LARS1: variants seen among roughly 807,000 people sequenced by gnomAD.
LARS1 encodes the protein leucine--tRNA ligase, cytoplasmic.
A neutral mutation model predicts 162.8 loss-of-function variants in LARS1; 100 were observed. The observed-to-expected ratio is 0.61, with a 90% CI of 0.52 to 0.73. LARS1 has a LOEUF of 0.73. LARS1 is among the 30% of genes least tolerant of loss of function. The pLI is 0.00. For missense variants in LARS1, 1,258 were observed against 1,408.9 expected (o/e 0.89, Z 1.71); for synonymous variants, 457 against 462.8 (o/e 0.99, Z 0.16).
In LARS1 at chr5:146,154,128, C is replaced by G. The variant is rs544488201; in HGVS notation, c.1066-148G>C. 29 of 613,756 alleles carry G rather than the reference C, an allele frequency of 4.7e-5. No individual in the cohort carries two copies. In the Admixed American group the frequency reaches 8.2e-4, roughly 17 times the overall value. 38.0% of individuals were successfully genotyped at this position (613,756 alleles called of 1,614,324 possible). On this transcript the variant is annotated intron_variant, in intron 10 of 31. Transcript: ENST00000394434. Reference sequence around the variant, plus strand: ...AGAGCTATATTGTACAATATGGTGACTATAGGAAATAACAATGTATTTTAT... The same window carrying G: ...AGAGCTATATTGTACAATATGGTGAGTATAGGAAATAACAATGTATTTTAT...
intron 22 of LARS1, among the ~76,000 whole-genome samples, chr5:146,135,151 C>T (rs2126444027): frequency 1.3e-5 from 2 of 152,024 alleles, no homozygotes; most frequent in South Asian, 4.2e-4. Context: ...ATTACAGGCA[C>T]CTGCCACCAC....
chr5:146,120,197 A>G, intron 31 of LARS1, 174 bp downstream of exon 31: 1 of 656,774 alleles, frequency 1.5e-6, no homozygotes, highest in Non-Finnish European at 2.6e-6. Context: ...CCACTAAGCT[A>G]CCTAGCCACA....
At position 146,122,624 on chromosome 5, in the gene LARS1, A is replaced by G. The variant is rs371067025; in HGVS notation, c.3097-37T>C. The G allele has an allele frequency of 2.8e-5, 32 of 1,145,708 alleles. No individual in the cohort carries two copies. In the African/African-American group the frequency reaches 4.3e-4, roughly 15 times the overall value. 71.0% of individuals were successfully genotyped at this position (1,145,708 alleles called of 1,614,324 possible). A position where few individuals can be genotyped will look rare whatever the true frequency, so the allele number is the denominator to read the frequency against. On this transcript the variant is annotated intron_variant, in intron 29 of 31. Coordinates refer to ENST00000394434, the MANE Select transcript of LARS1 (RefSeq NM_020117.11). ...GGAAAAAATGGAAGTTATTAGTATC[A>G]CTTAATGTGATTCAAATTAATCATC...
At chr5:146,146,491 G>A (rs1753013363) in intron 15 of LARS1, among the ~76,000 whole-genome samples, 2 of 95,124 alleles carry the variant, frequency 2.1e-5, no homozygotes, top group South Asian at 7.3e-4. Context: ...AAATAAAATA[G>A]AGGTTAGAAC....
chr5:146,142,845 C>A, intron 20 of LARS1, 27 bp downstream of exon 20: 1 of 1,556,624 alleles, frequency 6.4e-7, no homozygotes, highest in Non-Finnish European at 8.8e-7. Flanking sequence ...ATCAATAAAT[C>A]TAGTCCACAC....
intron 21 of LARS1, 85 bp downstream of exon 21, chr5:146,140,119 A>T: frequency 9.7e-7 from 1 of 1,029,394 alleles, no homozygotes; most frequent in Non-Finnish European, 1.5e-6. Flanking sequence ...ATTATTTCTT[A>T]CATACATTTA....
rs547688009 is a variant in LARS1 at position 146,161,232 on chromosome 5, C to G, written c.595-746G>C. Among the ~76,000 whole-genome samples, 216 of 152,288 alleles carry G rather than the reference C, an allele frequency of 1.4e-3. 3 individuals carry two copies. The highest frequency in any genetic ancestry group is 5.1e-3 in the African/African-American group (213 of 41,566). ...TCTGAGCCTTCAGTTGAGTTGTAATCTTTGTGCTGGTGGAGAGTCTTGCCT... is the reference window on the plus strand; with the variant it reads ...TCTGAGCCTTCAGTTGAGTTGTAATGTTTGTGCTGGTGGAGAGTCTTGCCT... On this transcript the variant is annotated intron_variant, in intron 6 of 31. Transcript: ENST00000394434.
chr5:146,165,038 C>G (rs1388125671), intron 5 of LARS1, among the ~76,000 whole-genome samples: 1 of 152,080 alleles, frequency 6.6e-6, no homozygotes, highest in East Asian at 1.9e-4. Context: ...TTATACACCA[C>G]AAAGAGGAAA....
At position 146,142,890 on chromosome 5, in the gene LARS1, G is replaced by T. The variant is rs1752848592; in HGVS notation, c.2072C>A (p.Ala691Asp). The T allele has an allele frequency of 1.2e-6, 2 of 1,613,442 alleles. No individual in the cohort carries two copies. Among genetic ancestry groups the T allele is most frequent in the Admixed American group, 3.3e-5 (2 of 59,964 alleles). Residue 691 changes from alanine (A) to aspartate (D), a missense_variant, in exon 20 of 32, where the codon GCT becomes GAT. Physicochemically the swap from Ala to Asp is moderately radical, Grantham distance 126 (BLOSUM62 -2). Transcript: ENST00000394434. ...CATTCACCTTTGTTCCGGCCACATAGCCACATGATTATAAAGGTAATATGA... is the reference window on the plus strand; with the variant it reads ...CATTCACCTTTGTTCCGGCCACATATCCACATGATTATAAAGGTAATATGA... ...HLSYYLYNHV[A>D]MWPEQSDKWP...
intron 13 of LARS1, among the ~76,000 whole-genome samples, chr5:146,152,909 A>G (rs1753357818): frequency 6.6e-6 from 1 of 152,238 alleles, no homozygotes; most frequent in Non-Finnish European, 1.5e-5. Flanking sequence ...TGATCACACT[A>G]GCAAAGCAAG....
At chr5:146,133,931 G>A (rs1294667089) in intron 22 of LARS1, among the ~76,000 whole-genome samples, 3 of 152,096 alleles carry the variant, frequency 2.0e-5, no homozygotes, top group Admixed American at 1.3e-4. Flanking sequence ...TGCAACCTCC[G>A]CCTCTTGGAT....
At chr5:146,153,670 T>C (rs879095718) in intron 12 of LARS1, 64 bp downstream of exon 12, 3 of 1,282,840 alleles carry the variant, frequency 2.3e-6, no homozygotes, top group South Asian at 2.4e-5. Flanking sequence ...CACAGCGTAG[T>C]TCAGCAGCAC....
At position 146,130,086 on chromosome 5, in the gene LARS1, C is replaced by T; in HGVS notation, c.2560G>A (p.Val854Ile). The T allele has an allele frequency of 6.2e-7, 1 of 1,613,970 alleles. No homozygotes were observed. The highest frequency in any genetic ancestry group is 8.5e-7 in the Non-Finnish European group (1 of 1,179,866). Reference sequence around the variant, plus strand: ...AATGGAGCGAGGAGAAGTGTCTGAACTTCAATAAACCGGAACACAAGTTCT... The same window carrying T: ...AATGGAGCGAGGAGAAGTGTCTGAATTTCAATAAACCGGAACACAAGTTCT... The part of the protein sequence containing the change: ...HRELVFRFIE[V>I]QTLLLAPFCP... The change falls in exon 25 of 32, where the codon GTT becomes ATT. Residue 854 changes from valine to isoleucine, a missense_variant. Physicochemically the swap from Val to Ile is conservative, Grantham distance 29 (BLOSUM62 3). Transcript: ENST00000394434.
rs774368284 is a variant in LARS1 at position 146,171,971 on chromosome 5, C to T, written c.233G>A (p.Arg78Gln). The change falls in exon 4 of 32, where the codon CGA becomes CAA. Residue 78 changes from arginine to glutamine, a missense_variant. Coordinates refer to ENST00000394434, the MANE Select transcript of LARS1 (RefSeq NM_020117.11). ...SKCEFAVGYQRLKGKCCLFPF... is the reference protein window; with the variant it reads ...SKCEFAVGYQQLKGKCCLFPF... ...AAACAGACAACATTTTCCTTTCAAT[C>T]GCTGGTACCCTACAGCAAACTACAG... The T allele has an allele frequency of 1.9e-6, 3 of 1,613,476 alleles. No individual in the cohort carries two copies. Among genetic ancestry groups the T allele is most frequent in the South Asian group, 2.2e-5 (2 of 91,070 alleles).
At chr5:146,160,297 A>G (rs1257386326) in intron 7 of LARS1, 77 bp downstream of exon 7, 4 of 746,578 alleles carry the variant, frequency 5.4e-6, no homozygotes, top group Non-Finnish European at 8.2e-6. Flanking sequence ...CAGTTTCCCA[A>G]AGCACTGGGA....
intron 28 of LARS1, among the ~76,000 whole-genome samples, chr5:146,124,366 A>G (rs1751957903): frequency 6.6e-6 from 1 of 151,792 alleles, no homozygotes; most frequent in African/African-American, 2.4e-5. Flanking sequence ...ATACGGTTTT[A>G]TGATTGTTTA....
intron 31 of LARS1, among the ~76,000 whole-genome samples, chr5:146,118,535 G>A (rs903458429): frequency 1.3e-5 from 2 of 152,174 alleles, no homozygotes; most frequent in African/African-American, 2.4e-5. Context: ...TCACCACAAA[G>A]AAATGATAAA....
chr5:146,139,176 T>C (rs1752646502), intron 21 of LARS1, among the ~76,000 whole-genome samples: 1 of 151,440 alleles, frequency 6.6e-6, no homozygotes, highest in South Asian at 2.1e-4. Context: ...ACCCCATCTC[T>C]ACGGAAAAAA....
At chr5:146,141,288 C>T (rs1237620764) in intron 20 of LARS1, among the ~76,000 whole-genome samples, 1 of 152,060 alleles carries the variant, frequency 6.6e-6, no homozygotes, top group African/African-American at 2.4e-5. Context: ...TGCCTACAGA[C>T]ATGGATATTA....
Sources: gnomAD v4.1 joint callset for allele counts (sites outside exome capture counted in the v4.1 genomes callset) on GRCh38, gnomAD v4.1.1 for gene constraint, MANE v1.5 for transcripts, NCBI Gene and HGNC (gene_info 2026-07-23, HGNC 2026-07-21) for gene names.